The following LRP1B variants were observed in gnomAD, a reference collection of about 807,000 sequenced individuals.
LRP1B encodes low-density lipoprotein receptor-related protein 1B.
Under a neutral mutation model 556.6 loss-of-function variants are expected in LRP1B, and 217 were observed. That is an observed-to-expected ratio of 0.39 (90% confidence interval 0.35 to 0.44). The LOEUF is 0.44. LRP1B is among the 20% of genes least tolerant of loss of function. The probability of loss-of-function intolerance (pLI) is 1.00; values close to 1 mark genes in which losing one functional copy is unlikely to be tolerated. For missense variants in LRP1B, 5,053 were observed against 5,620.8 expected (o/e 0.90, Z 3.23); for synonymous variants, 2,047 against 1,865.8 (o/e 1.10, Z -2.50).
chr2:141,111,670 G>A (rs1371397887), intron 7 of LRP1B, among the ~76,000 whole-genome samples: 1 of 152,066 alleles, frequency 6.6e-6, no homozygotes, highest in Non-Finnish European at 1.5e-5. Flanking sequence ...GTATGTAAAA[G>A]CCCTTGGATT....
At chr2:141,507,358 A>G (rs1683970861) in intron 2 of LRP1B, among the ~76,000 whole-genome samples, 1 of 151,950 alleles carries the variant, frequency 6.6e-6, no homozygotes, top group Non-Finnish European at 1.5e-5. Flanking sequence ...TGTATGCTAA[A>G]TGATTAAAAT....
intron 1 of LRP1B, among the ~76,000 whole-genome samples, chr2:141,890,704 C>G (rs1352686353): frequency 6.6e-6 from 1 of 151,948 alleles, no homozygotes. Flanking sequence ...TAATAACCTG[C>G]AATGATAAAT....
At chr2:140,890,136 A>G (rs1156812456) in intron 23 of LRP1B, among the ~76,000 whole-genome samples, 2 of 151,826 alleles carry the variant, frequency 1.3e-5, no homozygotes, top group African/African-American at 4.8e-5. Flanking sequence ...ATGGGTACAT[A>G]ATGTATATAA....
In LRP1B at chr2:140,587,197, C is replaced by T. The variant is rs139941613; in HGVS notation, c.7194+11434G>A. Among the ~76,000 whole-genome samples the T allele has an allele frequency of 3.8e-3, 573 of 152,172 alleles. 4 individuals are homozygous for T. The highest frequency in any genetic ancestry group is 0.013 in the African/African-American group (537 of 41,510). On this transcript the variant is annotated intron_variant, in intron 43 of 90. Transcript: ENST00000389484. ...AAAAGCAGAAAGAAAGAAAACTGAA[C>T]GAAGCTCCAGTGACCTGTGAGACTA...
intron 3 of LRP1B, among the ~76,000 whole-genome samples, chr2:141,261,139 C>A (rs917059351): frequency 3.9e-5 from 6 of 152,080 alleles, no homozygotes; most frequent in Admixed American, 2.0e-4. Context: ...CATCATTCAT[C>A]CTCTTACCCC....
chr2:140,698,317 T>C (rs1180427306), intron 41 of LRP1B, among the ~76,000 whole-genome samples: 2 of 152,060 alleles, frequency 1.3e-5, no homozygotes, highest in Non-Finnish European at 2.9e-5. Flanking sequence ...AGTCTGTGTA[T>C]GTGGGTCATG....
chr2:140,527,077 C>T (rs920729532), intron 47 of LRP1B, among the ~76,000 whole-genome samples: 1 of 151,894 alleles, frequency 6.6e-6, no homozygotes, highest in Admixed American at 6.6e-5. Context: ...TTATAAAAGT[C>T]ATCCAATTCT....
At chr2:140,271,372 G>T (rs1682452340) in intron 85 of LRP1B, among the ~76,000 whole-genome samples, 1 of 151,832 alleles carries the variant, frequency 6.6e-6, no homozygotes, top group African/African-American at 2.4e-5. Flanking sequence ...AAAAAATCAG[G>T]CTACAATATC....
chr2:141,542,030 C>T (rs754418247), intron 2 of LRP1B, among the ~76,000 whole-genome samples: 1 of 148,844 alleles, frequency 6.7e-6, no homozygotes, highest in African/African-American at 2.5e-5. Context: ...ATTATTCCTG[C>T]AATATTTCAC....
intron 2 of LRP1B, among the ~76,000 whole-genome samples, chr2:141,481,865 T>C (rs1682930857): frequency 6.6e-6 from 1 of 152,168 alleles, no homozygotes; most frequent in Non-Finnish European, 1.5e-5. Context: ...TGGCAGACAC[T>C]TAATAAATGT....
chr2:141,185,821 G>A (rs139739755), intron 7 of LRP1B, among the ~76,000 whole-genome samples: 2,224 of 152,012 alleles, frequency 0.015, 23 homozygotes, highest in Middle Eastern at 0.041. Context: ...GCTCACACCT[G>A]TAATCCCAGT....
At chr2:140,577,438 A>G (rs1681571424) in intron 43 of LRP1B, among the ~76,000 whole-genome samples, 1 of 143,584 alleles carries the variant, frequency 7.0e-6, no homozygotes, top group African/African-American at 2.6e-5. Flanking sequence ...TTTTTTTTTG[A>G]GACAAGGTTT....
chr2:140,439,951 C>G (rs931184012), intron 66 of LRP1B, among the ~76,000 whole-genome samples: 5 of 152,036 alleles, frequency 3.3e-5, no homozygotes, highest in African/African-American at 7.2e-5. Flanking sequence ...TTAAGTTACT[C>G]TGCTTCATTT....
intron 15 of LRP1B, among the ~76,000 whole-genome samples, chr2:140,996,411 G>A (rs1181707038): frequency 6.6e-6 from 1 of 151,990 alleles, no homozygotes; most frequent in Non-Finnish European, 1.5e-5. Context: ...CAGCTTAGAA[G>A]TTCAAAATGC....
intron 2 of LRP1B, among the ~76,000 whole-genome samples, chr2:141,533,722 C>T (rs555242987): frequency 6.6e-6 from 1 of 152,106 alleles, no homozygotes; most frequent in Non-Finnish European, 1.5e-5. Flanking sequence ...TCCATGTGGG[C>T]CATCGTCCCT....
chr2:140,325,729 A>G (rs1207818402), intron 80 of LRP1B, 33 bp downstream of exon 80: 2 of 1,391,850 alleles, frequency 1.4e-6, no homozygotes, highest in Admixed American at 3.6e-5. Context: ...TCTCAGTAAC[A>G]ATTAAAAATG....
intron 41 of LRP1B, among the ~76,000 whole-genome samples, chr2:140,637,679 A>C (rs1045211633): frequency 6.6e-6 from 1 of 152,132 alleles, no homozygotes; most frequent in African/African-American, 2.4e-5. Flanking sequence ...CATCCTAGAC[A>C]CCAGAACCTG....
intron 1 of LRP1B, among the ~76,000 whole-genome samples, chr2:141,850,236 T>TC (rs1050012749): frequency 1.8e-4 from 27 of 151,618 alleles, no homozygotes; most frequent in African/African-American, 6.5e-4. Flanking sequence ...ATGCTTTTTT[T>TC]CCCCCATGGT....
intron 2 of LRP1B, among the ~76,000 whole-genome samples, chr2:141,559,202 A>T (rs1324608905): frequency 2.6e-5 from 4 of 151,544 alleles, no homozygotes; most frequent in Non-Finnish European, 5.9e-5. Context: ...TAAATTTAAA[A>T]TTTTTTACTT....
Sources: allele counts gnomAD v4.1 joint callset (sites outside exome capture counted in the v4.1 genomes callset), GRCh38; gene constraint gnomAD v4.1.1; transcripts MANE v1.5; gene names NCBI Gene and HGNC (gene_info 2026-07-23, HGNC 2026-07-21).